The following ALMS1 variants were observed in gnomAD, a reference collection of about 807,000 sequenced individuals.
ALMS1 encodes the protein ALMS1 centrosome and basal body associated protein, also known as centrosome-associated protein ALMS1.
ALMS1 carries 271 observed loss-of-function variants against 352.2 expected under a neutral mutation model. The ratio of observed to expected loss-of-function variants is 0.77; its 90% CI spans 0.70 to 0.85. ALMS1 has a LOEUF of 0.85. ALMS1 is among the 40% of genes least tolerant of loss of function. ALMS1 has a pLI of 0.00. For missense variants in ALMS1, 5,445 were observed against 4,870.7 expected, an observed-to-expected ratio of 1.12 and a Z score of -3.51; for synonymous variants, 1,865 against 1,761.2, an observed-to-expected ratio of 1.06 and a Z score of -1.48.
At chr2:73,425,872 C>T (rs544123234) in intron 5 of ALMS1, among the ~76,000 whole-genome samples, 6 of 152,202 alleles carry the variant, frequency 3.9e-5, no homozygotes, top group East Asian at 1.9e-4. Context: ...AAAATTACCC[C>T]CTAATGCTCT....
rs182454987 is a variant in ALMS1, at chr2:73,536,877, C to G, written c.9907+1928C>G. On this transcript the variant is annotated intron_variant, in intron 12 of 22. Coordinates refer to ENST00000613296, the MANE Select transcript of ALMS1 (RefSeq NM_001378454.1). ...ATTCAAGAAAAATGGCCAAATCCCA[C>G]TAAGCACAGTAAGCGTTAGCATTTT... is the stretch of plus-strand genomic sequence containing the variant. Among the ~76,000 whole-genome samples, 26 of 152,334 alleles carry G rather than the reference C, an allele frequency of 1.7e-4. No individual in the cohort carries two copies. The East Asian group carries it at 4.8e-3, about 28-fold the overall frequency.
chr2:73,526,017 C>G (rs1184580700), intron 11 of ALMS1, among the ~76,000 whole-genome samples: 1 of 152,106 alleles, frequency 6.6e-6, no homozygotes, highest in Non-Finnish European at 1.5e-5. Context: ...TTCCCAGCAC[C>G]ATTTGTTGAA....
chr2:73,469,526 C>T (rs962615286), intron 9 of ALMS1: 1 of 151,820 alleles, frequency 6.6e-6, no homozygotes. Flanking sequence ...CATGAAATGA[C>T]TGATTTTCTT....
chr2:73,559,213 A>G (rs1674607033), intron 15 of ALMS1, 71 bp downstream of exon 15: 8 of 1,546,528 alleles, frequency 5.2e-6, no homozygotes, highest in South Asian at 1.2e-5. Flanking sequence ...TAGTGTTTCC[A>G]TTTCATTCTG....
chr2:73,442,092 T>G (rs1224356473), intron 7 of ALMS1, among the ~76,000 whole-genome samples: 2 of 152,178 alleles, frequency 1.3e-5, no homozygotes, highest in African/African-American at 2.4e-5. Flanking sequence ...TTGTTCACAT[T>G]GCTAAGCATT....
At chr2:73,447,888 G>T in intron 7 of ALMS1, 72 bp from the exon 8 acceptor site, 1 of 1,442,722 alleles carries the variant, frequency 6.9e-7, no homozygotes, top group Non-Finnish European at 9.1e-7. Flanking sequence ...GCTCAAAGCT[G>T]GCTTTTTTCC....
intron 1 of ALMS1, among the ~76,000 whole-genome samples, chr2:73,404,204 A>G (rs566625304): frequency 6.6e-6 from 1 of 152,286 alleles, no homozygotes; most frequent in African/African-American, 2.4e-5. Context: ...TGGCCTATTC[A>G]TTCTAACAGT....
At chr2:73,553,997 G>GA (rs1674491254) in intron 13 of ALMS1, among the ~76,000 whole-genome samples, 1 of 152,192 alleles carries the variant, frequency 6.6e-6, no homozygotes, top group Non-Finnish European at 1.5e-5. Flanking sequence ...TAAAGAAGTT[G>GA]AAAATGGTAG....
chr2:73,526,418 A>C (rs1014906899), intron 11 of ALMS1, among the ~76,000 whole-genome samples: 3 of 152,172 alleles, frequency 2.0e-5, no homozygotes, highest in African/African-American at 7.2e-5. Context: ...CTTCTAATTC[A>C]TGAACATGGA....
intron 22 of ALMS1, among the ~76,000 whole-genome samples, chr2:73,609,145 T>C (rs1045810508): frequency 5.9e-5 from 9 of 152,216 alleles, no homozygotes; most frequent in African/African-American, 2.2e-4. Flanking sequence ...GGCCATATAC[T>C]TCACTGTAGT....
At chr2:73,488,009 A>G (rs1672891100) in intron 9 of ALMS1, among the ~76,000 whole-genome samples, 1 of 152,138 alleles carries the variant, frequency 6.6e-6, no homozygotes, top group Non-Finnish European at 1.5e-5. Flanking sequence ...GATGCATGCC[A>G]ATTGGTCCAT....
intron 2 of ALMS1, among the ~76,000 whole-genome samples, chr2:73,413,358 G>C (rs948354403): frequency 6.6e-6 from 1 of 151,834 alleles, no homozygotes; most frequent in Non-Finnish European, 1.5e-5. Context: ...TATATTTCTT[G>C]TGTACTATCT....
At chr2:73,485,109 T>C (rs1198296874) in intron 9 of ALMS1, among the ~76,000 whole-genome samples, 1 of 152,250 alleles carries the variant, frequency 6.6e-6, no homozygotes, top group Non-Finnish European at 1.5e-5. Flanking sequence ...TTTGTTCCAT[T>C]GCTGGTGAGG....
Position 73,519,854 on chromosome 2 carries a change from G to A in ALMS1, c.9619G>A (p.Glu3207Lys). 6.2e-7 allele frequency: 1 copy of A among 1,614,030 alleles called. No homozygotes were observed. The highest frequency in any genetic ancestry group is 8.5e-7 in the Non-Finnish European group (1 of 1,179,950). The stretch of plus-strand genomic sequence containing the variant: ...TGATGCAGTCACTCAGATAACAACA[G>A]AAAGTCCAGAAAAGACCCTATTTTC... ...SSDAVTQITT[E>K]SPEKTLFSSE... The change falls in exon 11 of 23, where the codon GAA becomes AAA. Residue 3207 changes from glutamate (E) to lysine (K), a missense_variant. Coordinates refer to ENST00000613296, the MANE Select transcript of ALMS1 (RefSeq NM_001378454.1).
intron 12 of ALMS1, among the ~76,000 whole-genome samples, chr2:73,543,537 G>A (rs1164123147): frequency 6.6e-6 from 1 of 152,168 alleles, no homozygotes; most frequent in Non-Finnish European, 1.5e-5. Context: ...AAACTAAAGA[G>A]CTTCTGCACA....
chr2:73,419,032 A>T, intron 2 of ALMS1, 91 bp from the exon 3 acceptor site: 1 of 1,059,366 alleles, frequency 9.4e-7, no homozygotes, highest in Non-Finnish European at 1.4e-6. Flanking sequence ...AGGAAGCTAT[A>T]TAATACATGA....
intron 16 of ALMS1, among the ~76,000 whole-genome samples, chr2:73,576,326 T>C (rs1370639323): frequency 6.6e-6 from 1 of 152,196 alleles, no homozygotes; most frequent in Non-Finnish European, 1.5e-5. Flanking sequence ...TTTTAGTAAA[T>C]ATTTTATTGT....
intron 15 of ALMS1, among the ~76,000 whole-genome samples, chr2:73,571,117 G>A (rs921225215): frequency 1.3e-5 from 2 of 152,134 alleles, no homozygotes; most frequent in African/African-American, 4.8e-5. Context: ...AAATTGTATA[G>A]TCTACATACT....
intron 16 of ALMS1, among the ~76,000 whole-genome samples, chr2:73,593,351 G>C (rs1282268301): frequency 6.6e-6 from 1 of 152,120 alleles, no homozygotes; most frequent in Admixed American, 6.5e-5. Context: ...CTTTAGAGTA[G>C]TGCTCCATCA....
Sources: gnomAD v4.1 joint callset for allele counts (sites outside exome capture counted in the v4.1 genomes callset) on GRCh38, gnomAD v4.1.1 for gene constraint, MANE v1.5 for transcripts, NCBI Gene and HGNC (gene_info 2026-07-23, HGNC 2026-07-21) for gene names.